OPN5: variants seen among roughly 807,000 people sequenced by gnomAD.
The protein encoded by OPN5 is opsin 5.
A neutral mutation model predicts 41.7 loss-of-function variants in OPN5; 18 were observed. The observed-to-expected ratio is 0.43, with a 90% CI of 0.30 to 0.64. The LOEUF is 0.64. OPN5 is among the 30% of genes least tolerant of loss of function. The pLI, the probability that OPN5 is intolerant of heterozygous loss-of-function variation, is 0.13. For missense variants in OPN5, 318 were observed against 434.5 expected (o/e 0.73, Z 2.38); for synonymous variants, 178 against 164.3 (o/e 1.08, Z -0.64).
At chr6:47,816,049 G>T (rs1316788758) in intron 6 of OPN5, among the ~76,000 whole-genome samples, 1 of 152,080 alleles carries the variant, frequency 6.6e-6, no homozygotes, top group East Asian at 1.9e-4. Flanking sequence ...ATTCTTTCAG[G>T]TATACACGTG....
intron 1 of OPN5, among the ~76,000 whole-genome samples, chr6:47,784,925 C>A (rs1773160472): frequency 6.6e-6 from 1 of 152,078 alleles, no homozygotes; most frequent in African/African-American, 2.4e-5. Context: ...AATAAATTTG[C>A]TTTTTCCTGA....
chr6:47,782,250 T>C, intron 1 of OPN5, 54 bp downstream of exon 1: 1 of 1,563,586 alleles, frequency 6.4e-7, no homozygotes, highest in Non-Finnish European at 8.8e-7. Context: ...ATTCATGGGC[T>C]GATATGTTAA....
chr6:47,815,559 A>G (rs1167735444), intron 6 of OPN5, among the ~76,000 whole-genome samples: 3 of 152,182 alleles, frequency 2.0e-5, no homozygotes, highest in Non-Finnish European at 2.9e-5. Context: ...AGGTTAGCAG[A>G]GATAGCATCA....
intron 4 of OPN5, among the ~76,000 whole-genome samples, chr6:47,797,679 A>T (rs1773620653): frequency 6.6e-6 from 1 of 152,188 alleles, no homozygotes; most frequent in Non-Finnish European, 1.5e-5. Flanking sequence ...GAAATGTCTC[A>T]AAATGTGCTT....
chr6:47,787,041 C>A, intron 2 of OPN5: 2 of 988,546 alleles, frequency 2.0e-6, no homozygotes, highest in Middle Eastern at 5.1e-4. Flanking sequence ...ACAAAGGAAT[C>A]TTGAAGGGTA....
intron 1 of OPN5, among the ~76,000 whole-genome samples, chr6:47,784,197 G>T (rs1162318056): frequency 6.6e-6 from 1 of 152,132 alleles, no homozygotes; most frequent in Non-Finnish European, 1.5e-5. Context: ...TGAGGAGAGG[G>T]GTCGACTGGA....
intron 2 of OPN5, among the ~76,000 whole-genome samples, chr6:47,788,173 C>G (rs567459052): frequency 6.6e-6 from 1 of 152,288 alleles, no homozygotes; most frequent in Non-Finnish European, 1.5e-5. Context: ...AGGACGAACC[C>G]CAGGGGATTT....
chr6:47,826,212 A>G (rs1762786498), downstream of OPN5: 1 of 151,910 alleles, frequency 6.6e-6, no homozygotes, highest in Non-Finnish European at 1.5e-5. Flanking sequence ...ACACTCATCC[A>G]CCTCTTTCCT....
At chr6:47,802,786 T>C (rs1210964862) in intron 4 of OPN5, among the ~76,000 whole-genome samples, 1 of 152,226 alleles carries the variant, frequency 6.6e-6, no homozygotes, top group Non-Finnish European at 1.5e-5. Flanking sequence ...TCAGGAAATA[T>C]TGTATTCAGT....
chr6:47,809,966 G>A (rs1224627157), intron 5 of OPN5, among the ~76,000 whole-genome samples: 1 of 152,154 alleles, frequency 6.6e-6, no homozygotes, highest in East Asian at 1.9e-4. Flanking sequence ...GCCTCAGACT[G>A]CCTCTGTGTT....
chr6:47,800,975 A>G (rs1339267003), intron 4 of OPN5, among the ~76,000 whole-genome samples: 1 of 152,232 alleles, frequency 6.6e-6, no homozygotes, highest in African/African-American at 2.4e-5. Context: ...GTTATGATAC[A>G]GATCCCCTGG....
exon 7 of OPN5, chr6:47,824,089 G>T (rs377684481): frequency 1.5e-5 from 14 of 938,402 alleles, no homozygotes; most frequent in Admixed American, 4.0e-5. Flanking sequence ...CTGACTTCTC[G>T]CCTCCACTCC....
At chr6:47,788,429 G>A (rs1773261139) in intron 2 of OPN5, among the ~76,000 whole-genome samples, 1 of 152,186 alleles carries the variant, frequency 6.6e-6, no homozygotes, top group South Asian at 2.1e-4. Context: ...CTGGTGCGTT[G>A]AAATATGCTC....
intron 3 of OPN5, 154 bp from the exon 4 acceptor site, chr6:47,795,075 C>T (rs1278059237): frequency 1.8e-5 from 11 of 602,514 alleles, no homozygotes; most frequent in Admixed American, 9.2e-5. Flanking sequence ...AACTTTTTTC[C>T]GTTTACTCCA....
At chr6:47,813,884 C>A (rs190611008) in intron 6 of OPN5, among the ~76,000 whole-genome samples, 1 of 151,652 alleles carries the variant, frequency 6.6e-6, no homozygotes, top group African/African-American at 2.4e-5. Context: ...CGGTGTCTAC[C>A]GAGGGGAAAA....
chr6:47,798,807 T>C (rs1055874909), intron 4 of OPN5, among the ~76,000 whole-genome samples: 3 of 152,106 alleles, frequency 2.0e-5, no homozygotes, highest in African/African-American at 7.2e-5. Flanking sequence ...TGAGTAAAAA[T>C]AAGTAGAAAC....
At chr6:47,825,587 C>A (rs572101151), downstream of OPN5, 1 of 152,162 alleles carries the variant, frequency 6.6e-6, no homozygotes, top group Non-Finnish European at 1.5e-5. Context: ...TGTTGTACCA[C>A]GTCCATTGAA....
downstream of OPN5, chr6:47,826,230 C>T (rs2114026690): frequency 6.6e-6 from 1 of 152,206 alleles, no homozygotes; most frequent in South Asian, 2.1e-4. Flanking sequence ...CCTTCCCCAT[C>T]TCTCCCCATT....
intron 2 of OPN5, among the ~76,000 whole-genome samples, chr6:47,788,269 C>T (rs1773254551): frequency 6.6e-6 from 1 of 152,226 alleles, no homozygotes; most frequent in African/African-American, 2.4e-5. Flanking sequence ...CTGGCCAGCT[C>T]GCCTCGCGGG....
Sources: allele counts gnomAD v4.1 joint callset (sites outside exome capture counted in the v4.1 genomes callset), GRCh38; gene constraint gnomAD v4.1.1; transcripts MANE v1.5; gene names NCBI Gene and HGNC (gene_info 2026-07-23, HGNC 2026-07-21).